NOL4: variants seen among roughly 807,000 people sequenced by gnomAD.
NOL4 encodes the protein cancer/testis antigen 125.
Under a neutral mutation model 75.9 loss-of-function variants are expected in NOL4, and 17 were observed. The ratio of observed to expected loss-of-function variants is 0.22; its 90% CI spans 0.15 to 0.34. The LOEUF (loss-of-function observed/expected upper bound fraction) is 0.34, where lower values mean the gene tolerates loss of function less well. Ranked by LOEUF, NOL4 falls within the 10% of genes least tolerant of loss-of-function variation. The probability of loss-of-function intolerance (pLI) is 1.00; values close to 1 mark genes in which losing one functional copy is unlikely to be tolerated. For synonymous variants in NOL4, 292 were observed against 289.9 expected (o/e 1.01, Z -0.07); for missense variants, 614 against 793.5 (o/e 0.77, Z 2.72).
At chr18:34,073,723 C>T (rs1441004580) in intron 5 of NOL4, among the ~76,000 whole-genome samples, 1 of 151,736 alleles carries the variant, frequency 6.6e-6, no homozygotes, top group Non-Finnish European at 1.5e-5. Flanking sequence ...ATGTAAATAG[C>T]CTTGTATATA....
intron 6 of NOL4, among the ~76,000 whole-genome samples, chr18:33,992,921 T>C (rs1395068830): frequency 6.6e-6 from 1 of 152,002 alleles, no homozygotes; most frequent in Non-Finnish European, 1.5e-5. Context: ...CTAAAGGAAC[T>C]AAATTAATTT....
chr18:34,051,168 A>T (rs2076608705), intron 5 of NOL4, among the ~76,000 whole-genome samples: 1 of 152,084 alleles, frequency 6.6e-6, no homozygotes. Flanking sequence ...ACTAAATATT[A>T]TTCAGCTTTG....
At chr18:34,113,445 C>A (rs538347264) in intron 2 of NOL4, among the ~76,000 whole-genome samples, 2 of 152,172 alleles carry the variant, frequency 1.3e-5, no homozygotes, top group East Asian at 3.9e-4. Flanking sequence ...TTCGTGACAA[C>A]CCAGCCAACA....
At chr18:33,975,369 A>T (rs2071409371) in intron 6 of NOL4, among the ~76,000 whole-genome samples, 1 of 152,242 alleles carries the variant, frequency 6.6e-6, no homozygotes, top group East Asian at 1.9e-4. Flanking sequence ...CCATTTGTAC[A>T]AAGAAGAAAT....
At position 34,019,516 on chromosome 18, in the gene NOL4, C is replaced by T; in HGVS notation, c.858G>A (p.Met286Ile). ...TTTTGCCATCACTGTTGGAGTCTCC[C>T]ATCTCCCTGCTGTGTGTTCCCCCTG... ...IASGGTHSRE[M>I]GDSNSDGKTG... The change falls in exon 6 of 11, where the codon ATG (methionine) becomes ATA (isoleucine). Residue 286 changes from methionine (M) to isoleucine (I), a missense_variant. Met to Ile is a conservative substitution (Grantham distance 10, BLOSUM62 1). This residue lies in a region of NOL4 where 196 missense variants were observed against 167.9 expected (regional missense o/e 1.17). Transcript: ENST00000261592. 1 of 1,614,010 alleles carries T rather than the reference C, an allele frequency of 6.2e-7. No individual in the cohort carries two copies. The highest frequency in any genetic ancestry group is 1.1e-5 in the South Asian group (1 of 91,070).
chr18:34,223,595 A>C lies in NOL4; in HGVS notation c.-342T>G. On this transcript the variant is annotated 5_prime_UTR_variant, in exon 1 of 11. It adds an upstream start codon to the 5' untranslated region. Coordinates refer to ENST00000261592, the MANE Select transcript of NOL4 (RefSeq NM_003787.5). ...GAGGAGCTGGGTTTTCAATAATTAAAATCCCATTCCTTGGTTTATTAAAAA... is the reference window on the plus strand; with the variant it reads ...GAGGAGCTGGGTTTTCAATAATTAACATCCCATTCCTTGGTTTATTAAAAA... 3.8e-6 allele frequency: 1 copy of C among 265,088 alleles called. No individual in the cohort carries two copies. The highest frequency in any genetic ancestry group is 7.1e-6 in the Non-Finnish European group (1 of 140,664). 16.4% of individuals were successfully genotyped at this position (265,088 alleles called of 1,614,324 possible). A position where few individuals can be genotyped will look rare whatever the true frequency, so the allele number is the denominator to read the frequency against.
intron 9 of NOL4, among the ~76,000 whole-genome samples, chr18:33,890,415 C>T (rs1056574556): frequency 2.0e-5 from 3 of 151,848 alleles, no homozygotes; most frequent in Non-Finnish European, 2.9e-5. Flanking sequence ...CTCATGGATA[C>T]GAAGAATCAA....
chr18:33,965,638 A>G (rs1270804346), intron 6 of NOL4, among the ~76,000 whole-genome samples: 2 of 152,130 alleles, frequency 1.3e-5, no homozygotes, highest in Non-Finnish European at 2.9e-5. Context: ...AGTTTTCATG[A>G]AATCTGATGG....
intron 6 of NOL4, among the ~76,000 whole-genome samples, chr18:33,959,968 CAT>C: frequency 6.6e-6 from 1 of 151,622 alleles, no homozygotes; most frequent in East Asian, 1.9e-4. Flanking sequence ...CGTGTATGCA[CAT>C]GTGTGTATAA....
intron 9 of NOL4, among the ~76,000 whole-genome samples, chr18:33,883,873 G>A (rs976146569): frequency 6.6e-6 from 1 of 152,066 alleles, no homozygotes; most frequent in Admixed American, 6.6e-5. Context: ...AACAAATATT[G>A]TGTGATGCCA....
chr18:33,942,205 A>C (rs1194463880), intron 9 of NOL4, among the ~76,000 whole-genome samples: 7 of 151,954 alleles, frequency 4.6e-5, no homozygotes, highest in African/African-American at 1.4e-4. Flanking sequence ...GTCTTGACTC[A>C]TCTCATCCTC....
chr18:34,219,568 C>T (rs779393887), intron 1 of NOL4, among the ~76,000 whole-genome samples: 1 of 152,154 alleles, frequency 6.6e-6, no homozygotes, highest in Non-Finnish European at 1.5e-5. Flanking sequence ...CTGGAACTAC[C>T]AAATGTGTAA....
At chr18:33,915,367 G>A (rs1440749468) in intron 9 of NOL4, among the ~76,000 whole-genome samples, 2 of 151,970 alleles carry the variant, frequency 1.3e-5, no homozygotes, top group Non-Finnish European at 2.9e-5. Context: ...AGAGAAATGT[G>A]GAAACTGAGG....
At position 33,852,435 on chromosome 18, in the gene NOL4, C is replaced by CTTT. The variant is rs78098811; in HGVS notation, c.*404_*406dup. 293 of 125,420 alleles carry CTTT rather than the reference C, an allele frequency of 2.3e-3. 1 individual carries two copies. The highest frequency in any genetic ancestry group is 5.2e-3 in the African/African-American group (178 of 33,908). 7.8% of individuals were successfully genotyped at this position (125,420 alleles called of 1,614,324 possible). A position where few individuals can be genotyped will look rare whatever the true frequency, so the allele number is the denominator to read the frequency against. On this transcript the variant is annotated 3_prime_UTR_variant, in exon 11 of 11. Transcript: ENST00000261592. ...AACAAGAAATTTGGCTTTTTTTTTT[C>CTTT]TTTTTTTTTTTTTTGCCAGGTACTT...
At chr18:33,998,628 C>T (rs2073465860) in intron 6 of NOL4, among the ~76,000 whole-genome samples, 1 of 151,970 alleles carries the variant, frequency 6.6e-6, no homozygotes, top group African/African-American at 2.4e-5. Context: ...GATATGTGCC[C>T]ATAGATGGTA....
chr18:33,861,973 A>C (rs11081831), intron 10 of NOL4, among the ~76,000 whole-genome samples: 27,653 of 151,934 alleles, frequency 0.18, 2,726 homozygotes, highest in African/African-American at 0.24. Flanking sequence ...TCAAACCTAA[A>C]CCAAAAGAAC....
intron 2 of NOL4, among the ~76,000 whole-genome samples, chr18:34,115,863 G>T (rs1387502024): frequency 1.3e-5 from 2 of 152,104 alleles, no homozygotes; most frequent in Non-Finnish European, 2.9e-5. Flanking sequence ...CCCAGACAAT[G>T]AGGCCATTTC....
intron 5 of NOL4, among the ~76,000 whole-genome samples, chr18:34,059,610 G>C (rs527969124): frequency 1.1e-4 from 16 of 152,218 alleles, no homozygotes; most frequent in East Asian, 1.9e-4. Context: ...CAAATAATCT[G>C]TGAAACCCAT....
rs201147981 is a variant in NOL4, at chr18:33,911,137, TC to T, written c.1543-27714del. Among the ~76,000 whole-genome samples, 62 of 146,922 alleles carry T rather than the reference TC, an allele frequency of 4.2e-4. 1 individual carries two copies. In the East Asian group the frequency reaches 0.012, roughly 28 times the overall value. On this transcript the variant is annotated intron_variant, in intron 9 of 10. Transcript: ENST00000261592. ...CTTTCCGATTCTTTATATGTGCTCC[TC>T]CCCCCCACCCCACCCTCTGGAATGT...
Sources: gnomAD v4.1 joint callset for allele counts (sites outside exome capture counted in the v4.1 genomes callset) on GRCh38, gnomAD v4.1.1 for gene constraint, gnomAD v4.1.1 regional missense constraint, MANE v1.5 for transcripts, NCBI Gene and HGNC (gene_info 2026-07-23, HGNC 2026-07-21) for gene names.